EYS: variants seen among roughly 807,000 people sequenced by gnomAD.
The protein encoded by EYS is protein eyes shut homolog.
Under a neutral mutation model 282.1 loss-of-function variants are expected in EYS, and 250 were observed. That is an observed-to-expected ratio of 0.89 (90% CI 0.80 to 0.98). The LOEUF (loss-of-function observed/expected upper bound fraction) is 0.98. Ranked by LOEUF, EYS falls within the 50% of genes least tolerant of loss-of-function variation. The pLI is 0.00. For missense variants in EYS, 4,016 were observed against 3,709.0 expected (o/e 1.08, Z -2.15); for synonymous variants, 1,355 against 1,282.9 (o/e 1.06, Z -1.20).
chr6:64,730,934 G>A (rs974484835), intron 22 of EYS: 4 of 152,130 alleles, frequency 2.6e-5, no homozygotes, highest in Admixed American at 1.3e-4. Context: ...GCAATTCAAT[G>A]TCTAGGATCC....
intron 26 of EYS, among the ~76,000 whole-genome samples, chr6:64,545,233 C>T (rs1037230892): frequency 4.6e-5 from 7 of 152,134 alleles, no homozygotes; most frequent in Non-Finnish European, 8.8e-5. Flanking sequence ...AATCAATAAA[C>T]ATAATCCAGG....
chr6:65,116,978 C>T (rs1027214996), intron 12 of EYS, among the ~76,000 whole-genome samples: 1 of 152,128 alleles, frequency 6.6e-6, no homozygotes, highest in African/African-American at 2.4e-5. Context: ...TCCTTTCTTC[C>T]CAGGTGCATG....
At chr6:64,000,168 C>CCTTTT (rs1768014947) in intron 33 of EYS, among the ~76,000 whole-genome samples, 2 of 42,734 alleles carry the variant, frequency 4.7e-5, no homozygotes, top group Admixed American at 3.2e-4. Context: ...AGACATGGGA[C>CCTTTT]TTTTTTTTTT....
At chr6:64,255,472 C>G (rs1225978964) in intron 30 of EYS, among the ~76,000 whole-genome samples, 1 of 151,952 alleles carries the variant, frequency 6.6e-6, no homozygotes. Context: ...ACTGGCAGAA[C>G]AATATTTAGT....
intron 1 of EYS, among the ~76,000 whole-genome samples, chr6:65,664,091 C>G (rs1038488700): frequency 6.6e-6 from 1 of 152,018 alleles, no homozygotes; most frequent in Non-Finnish European, 1.5e-5. Flanking sequence ...GTGATGGTCT[C>G]CATCTCCTGA....
chr6:65,225,430 C>T lies in EYS; in HGVS notation c.2023+70433G>A, dbSNP rs1766595485. On this transcript the variant is annotated intron_variant, in intron 12 of 42. Coordinates refer to ENST00000503581, the MANE Select transcript of EYS (RefSeq NM_001142800.2). The stretch of plus-strand genomic sequence containing the variant: ...AGTTTCAACATAGAAAACCAATCCA[C>T]ATAGGCTGGGCACGGTGGCTCACGC... Among the ~76,000 whole-genome samples, 6 of 151,928 alleles carry T rather than the reference C, an allele frequency of 3.9e-5. No individual in the cohort carries two copies. In the South Asian group the frequency reaches 1.2e-3, roughly 32 times the overall value.
At chr6:64,923,938 G>A (rs2150083175) in intron 15 of EYS, among the ~76,000 whole-genome samples, 1 of 152,290 alleles carries the variant, frequency 6.6e-6, no homozygotes, top group Admixed American at 6.5e-5. Flanking sequence ...CATGGTGCAA[G>A]CTGTCAGAGG....
At chr6:63,891,412 G>A (rs1308723599) in intron 35 of EYS, among the ~76,000 whole-genome samples, 1 of 152,044 alleles carries the variant, frequency 6.6e-6, no homozygotes, top group African/African-American at 2.4e-5. Flanking sequence ...TTCATCCCTG[G>A]GAGGCAAGGC....
chr6:65,284,289 T>G (rs1435120927), intron 12 of EYS, among the ~76,000 whole-genome samples: 1 of 152,138 alleles, frequency 6.6e-6, no homozygotes, highest in Non-Finnish European at 1.5e-5. Flanking sequence ...AAAAATAACT[T>G]ATGTGAATAT....
chr6:65,408,220 T>C (rs1213165550), intron 5 of EYS, among the ~76,000 whole-genome samples: 1 of 152,168 alleles, frequency 6.6e-6, no homozygotes, highest in Non-Finnish European at 1.5e-5. Flanking sequence ...ATTTTCTATC[T>C]TTATTCATAA....
intron 22 of EYS, among the ~76,000 whole-genome samples, chr6:64,730,019 T>C (rs1357423515): frequency 1.3e-5 from 2 of 152,192 alleles, no homozygotes; most frequent in Admixed American, 6.5e-5. Flanking sequence ...TTAGGAATGT[T>C]ATTGGTGAAA....
chr6:64,648,146 G>A (rs1380766646), intron 22 of EYS, among the ~76,000 whole-genome samples: 1 of 152,082 alleles, frequency 6.6e-6, no homozygotes, highest in Non-Finnish European at 1.5e-5. Flanking sequence ...CCTTATGATG[G>A]CTGGCACTGA....
At chr6:64,473,310 G>A (rs1349684373) in intron 26 of EYS, among the ~76,000 whole-genome samples, 1 of 152,108 alleles carries the variant, frequency 6.6e-6, no homozygotes, top group East Asian at 1.9e-4. Context: ...GCATACTAAT[G>A]TTACAGCATT....
chr6:65,049,627 G>A (rs1211604847), intron 13 of EYS, among the ~76,000 whole-genome samples: 1 of 151,628 alleles, frequency 6.6e-6, no homozygotes, highest in African/African-American at 2.4e-5. Flanking sequence ...GAAAACAATA[G>A]CGTTGTTATT....
intron 19 of EYS, among the ~76,000 whole-genome samples, chr6:64,835,026 T>G (rs1167976724): frequency 6.6e-6 from 1 of 151,680 alleles, no homozygotes; most frequent in African/African-American, 2.4e-5. Flanking sequence ...AAAAGGAGTT[T>G]AAAGATGTAA....
chr6:64,917,793 T>A (rs1431245612), intron 15 of EYS, among the ~76,000 whole-genome samples: 1 of 152,202 alleles, frequency 6.6e-6, no homozygotes, highest in Non-Finnish European at 1.5e-5. Flanking sequence ...CATTATGTTA[T>A]ACAACATAAA....
chr6:64,938,638 CATGAGAT>C (rs946234527), intron 15 of EYS, among the ~76,000 whole-genome samples: 1 of 151,598 alleles, frequency 6.6e-6, no homozygotes, highest in Non-Finnish European at 1.5e-5. Context: ...CAATAAATTA[CATGAGAT>C]ATTCAATAAT....
At chr6:65,319,488 C>T (rs939453444) in intron 11 of EYS, among the ~76,000 whole-genome samples, 8 of 151,892 alleles carry the variant, frequency 5.3e-5, no homozygotes, top group Non-Finnish European at 8.8e-5. Flanking sequence ...ATAGAAGAAC[C>T]GAAAACATTT....
chr6:63,841,979 T>C (rs1771973064), intron 36 of EYS, among the ~76,000 whole-genome samples: 1 of 152,220 alleles, frequency 6.6e-6, no homozygotes, highest in Non-Finnish European at 1.5e-5. Context: ...CATGTATATG[T>C]GCCACATTTT....
Sources: gnomAD v4.1 joint callset for allele counts (sites outside exome capture counted in the v4.1 genomes callset) on GRCh38, gnomAD v4.1.1 for gene constraint, MANE v1.5 for transcripts, NCBI Gene and HGNC (gene_info 2026-07-23, HGNC 2026-07-21) for gene names.